SWT1: variants seen among roughly 807,000 people sequenced by gnomAD.
The protein encoded by SWT1 is transcriptional protein SWT1.
A neutral mutation model predicts 107.3 loss-of-function variants in SWT1; 33 were observed. That is an observed-to-expected ratio of 0.31 (90% CI 0.23 to 0.41). SWT1 has a LOEUF of 0.41. Ranked by LOEUF, SWT1 falls within the 10% of genes least tolerant of loss-of-function variation. SWT1 has a pLI of 1.00. For missense variants in SWT1, 898 were observed against 1,028.9 expected (o/e 0.87, Z 1.74); for synonymous variants, 345 against 348.3 (o/e 0.99, Z 0.11).
At chr1:185,289,815 A>G (rs967955995) in intron 18 of SWT1, among the ~76,000 whole-genome samples, 1 of 152,190 alleles carries the variant, frequency 6.6e-6, no homozygotes, top group Admixed American at 6.5e-5. Flanking sequence ...TAGAAAATAA[A>G]ATGGTGGTTA....
rs1184964686 is a variant in SWT1, at chr1:185,226,386, A to G, written c.2309+4350A>G. On this transcript the variant is annotated intron_variant, in intron 15 of 18. Coordinates refer to ENST00000367500, the MANE Select transcript of SWT1 (RefSeq NM_017673.7). ...ATAATCGCTCATGGGCCTTTCATGT[A>G]AAGATGCTTATTTGGAAGTCTGGTA... Among the ~76,000 whole-genome samples, 8 of 152,310 alleles carry G rather than the reference A, an allele frequency of 5.3e-5. 1 individual carries two copies. The East Asian group carries it at 1.3e-3, about 26-fold the overall frequency.
chr1:185,222,363 C>G (rs890822927), intron 15 of SWT1, among the ~76,000 whole-genome samples: 1 of 152,044 alleles, frequency 6.6e-6, no homozygotes, highest in African/African-American at 2.4e-5. Flanking sequence ...TTATTGGACA[C>G]TTAGGTTGAT....
chr1:185,284,737 G>C (rs1664846690), intron 18 of SWT1, among the ~76,000 whole-genome samples: 1 of 152,144 alleles, frequency 6.6e-6, no homozygotes, highest in African/African-American at 2.4e-5. Flanking sequence ...GGCAGTTGTG[G>C]CTTCTTCTTG....
chr1:185,215,226 CCTGT>C (rs1173264124), intron 14 of SWT1, among the ~76,000 whole-genome samples: 4 of 152,150 alleles, frequency 2.6e-5, no homozygotes, highest in Non-Finnish European at 5.9e-5. Flanking sequence ...TACCTACCCA[CCTGT>C]CTGTCTGTCC....
chr1:185,281,402 C>G (rs1035601432), intron 18 of SWT1: 4 of 232,454 alleles, frequency 1.7e-5, no homozygotes, highest in South Asian at 7.6e-5. Context: ...AAGTCAGAGT[C>G]AAACACTTGT....
chr1:185,157,402 C>G (rs1012979821), intron 1 of SWT1, 88 bp downstream of exon 1: 2 of 152,516 alleles, frequency 1.3e-5, no homozygotes, highest in African/African-American at 4.8e-5. Flanking sequence ...GGCGGCCGGC[C>G]GGACTGGGGA....
At position 185,214,840 on chromosome 1, in the gene SWT1, C is replaced by T. The variant is rs553031277; in HGVS notation, c.2121+185C>T. ...ACTCTAACAAGTTATAAAACCCATA[C>T]CTCCTTTTATGGAAGCAGTGTCACA... On this transcript the variant is annotated intron_variant, in intron 14 of 18. Transcript: ENST00000367500. Among the ~76,000 whole-genome samples the T allele has an allele frequency of 3.9e-5, 6 of 152,232 alleles. No homozygotes were observed. The East Asian group carries it at 1.2e-3, about 29-fold the overall frequency.
chr1:185,275,567 A>G (rs1214716530), intron 17 of SWT1, among the ~76,000 whole-genome samples: 1 of 151,410 alleles, frequency 6.6e-6, no homozygotes, highest in Non-Finnish European at 1.5e-5. Flanking sequence ...CTTTTTTTAA[A>G]TAGAGACGGG....
chr1:185,160,353 A>C (rs928265685), intron 1 of SWT1, among the ~76,000 whole-genome samples: 6 of 152,018 alleles, frequency 3.9e-5, no homozygotes, highest in Admixed American at 3.9e-4. Context: ...TTTGAAGGAG[A>C]ATGAAAGTGA....
intron 10 of SWT1, among the ~76,000 whole-genome samples, chr1:185,200,156 T>C (rs1558034546): frequency 1.3e-5 from 2 of 152,156 alleles, no homozygotes; most frequent in Non-Finnish European, 2.9e-5. Context: ...TAACCTGTTT[T>C]TTCAAGGTTC....
intron 13 of SWT1, among the ~76,000 whole-genome samples, chr1:185,211,442 A>G (rs1409212917): frequency 6.6e-6 from 1 of 152,212 alleles, no homozygotes; most frequent in African/African-American, 2.4e-5. Flanking sequence ...TTTTTTAAGG[A>G]ACGGCACTTT....
At chr1:185,175,141 G>T in intron 5 of SWT1, 28 bp downstream of exon 5, 1 of 1,411,994 alleles carries the variant, frequency 7.1e-7, no homozygotes, top group Non-Finnish European at 9.3e-7. Context: ...GAAGAATATA[G>T]GTTTTAACTG....
intron 16 of SWT1, among the ~76,000 whole-genome samples, chr1:185,238,439 A>G (rs1661047335): frequency 6.6e-6 from 1 of 152,162 alleles, no homozygotes; most frequent in Non-Finnish European, 1.5e-5. Flanking sequence ...TTTGTTGGGG[A>G]ATTTGTTACA....
In SWT1 at chr1:185,264,497, A is replaced by G. The variant is rs1369970697; in HGVS notation, c.2442-6826A>G. The G allele has an allele frequency of 5.1e-6, 5 of 973,802 alleles. No individual in the cohort carries two copies. The East Asian group carries it at 4.6e-4, about 89-fold the overall frequency. 60.3% of individuals were successfully genotyped at this position (973,802 alleles called of 1,614,324 possible). ...AGATAAGAAATAGAATAATAATAGT[A>G]GTAGCTAATATTTTATTGGGCCAAG... On this transcript the variant is annotated intron_variant, in intron 16 of 18. Transcript: ENST00000367500.
chr1:185,256,768 T>C (rs1031292927), intron 16 of SWT1, among the ~76,000 whole-genome samples: 4 of 152,166 alleles, frequency 2.6e-5, no homozygotes, highest in African/African-American at 9.7e-5. Flanking sequence ...TCTGAAGCGT[T>C]CTTTTCTCAG....
At chr1:185,201,221 T>C (rs1404268512) in intron 10 of SWT1, among the ~76,000 whole-genome samples, 1 of 152,078 alleles carries the variant, frequency 6.6e-6, no homozygotes. Flanking sequence ...CTAGACCACT[T>C]GGCTCTGTGG....
chr1:185,211,736 GCTATAAAGA>G (rs1471339315), intron 13 of SWT1, among the ~76,000 whole-genome samples: 4 of 152,088 alleles, frequency 2.6e-5, no homozygotes, highest in Non-Finnish European at 5.9e-5. Context: ...AAATCATGCT[GCTATAAAGA>G]CACATGCACA....
chr1:185,261,690 A>G (rs1180666411), intron 16 of SWT1, among the ~76,000 whole-genome samples: 7 of 145,778 alleles, frequency 4.8e-5, no homozygotes, highest in Admixed American at 4.1e-4. Flanking sequence ...TTTTTTTTTA[A>G]ATAGTAGTCA....
At chr1:185,180,503 C>T in intron 6 of SWT1, 53 bp downstream of exon 6, 1 of 1,297,150 alleles carries the variant, frequency 7.7e-7, no homozygotes, top group South Asian at 1.2e-5. Context: ...AAGTCAGTTC[C>T]TACTTTTAAT....
Sources: gnomAD v4.1 joint callset for allele counts (sites outside exome capture counted in the v4.1 genomes callset) on GRCh38, gnomAD v4.1.1 for gene constraint, MANE v1.5 for transcripts, NCBI Gene and HGNC (gene_info 2026-07-23, HGNC 2026-07-21) for gene names.